The following APP variants were observed in gnomAD, a reference collection of about 807,000 sequenced individuals.
APP encodes amyloid beta precursor protein.
In APP, 31 loss-of-function variants were observed where a neutral mutation model predicts 101.4. The ratio of observed to expected loss-of-function variants is 0.31; its 90% confidence interval spans 0.23 to 0.41. APP has a LOEUF of 0.41. Among genes scored for constraint, APP ranks in the 10% least tolerant of loss-of-function variants. The pLI, the probability that APP is intolerant of heterozygous loss-of-function variation, is 1.00. For missense variants in APP, 839 were observed against 1,003.7 expected (o/e 0.84, Z 2.22); for synonymous variants, 366 against 364.4 (o/e 1.00, Z -0.05).
chr21:26,094,812 T>G (rs1177787794), intron 2 of APP, among the ~76,000 whole-genome samples: 5 of 151,644 alleles, frequency 3.3e-5, no homozygotes, highest in Non-Finnish European at 4.4e-5. Flanking sequence ...GAAAGCTCTA[T>G]AAATAAATGA....
At chr21:26,030,404 A>G (rs1427886182) in intron 5 of APP, among the ~76,000 whole-genome samples, 1 of 152,208 alleles carries the variant, frequency 6.6e-6, no homozygotes, top group Non-Finnish European at 1.5e-5. Context: ...AGATGGTATC[A>G]TCTGGACTCT....
chr21:26,049,093 A>T (rs2045728880), intron 5 of APP, among the ~76,000 whole-genome samples: 1 of 152,180 alleles, frequency 6.6e-6, no homozygotes, highest in Admixed American at 6.5e-5. Flanking sequence ...TTTCCTACCA[A>T]CTGTCAACAG....
At chr21:25,966,438 T>C (rs2041800172) in intron 11 of APP, among the ~76,000 whole-genome samples, 1 of 152,228 alleles carries the variant, frequency 6.6e-6, no homozygotes, top group Admixed American at 6.5e-5. Flanking sequence ...TTATTTACTT[T>C]TCTGAAAGAT....
intron 3 of APP, among the ~76,000 whole-genome samples, chr21:26,058,131 C>T (rs902744471): frequency 1.3e-5 from 2 of 152,290 alleles, no homozygotes; most frequent in Non-Finnish European, 1.5e-5. Flanking sequence ...ATCCTGAGCA[C>T]GTTGGTTTTA....
intron 17 of APP, among the ~76,000 whole-genome samples, chr21:25,882,356 G>T (rs892378504): frequency 6.7e-6 from 1 of 149,030 alleles, no homozygotes; most frequent in Non-Finnish European, 1.5e-5. Context: ...ACCAAAGGGG[G>T]CTATTATTTG....
At chr21:26,086,635 T>C (rs1005209511) in intron 3 of APP, among the ~76,000 whole-genome samples, 4 of 152,060 alleles carry the variant, frequency 2.6e-5, no homozygotes, top group African/African-American at 9.7e-5. Context: ...CTTATGTTAA[T>C]GCTGAACAGT....
chr21:26,064,125 C>T (rs1218738684), intron 3 of APP, among the ~76,000 whole-genome samples: 1 of 152,148 alleles, frequency 6.6e-6, no homozygotes, highest in Non-Finnish European at 1.5e-5. Flanking sequence ...AAGAAACTGT[C>T]ATAGCCAAGA....
chr21:25,990,696 C>A (rs998301657), intron 8 of APP, among the ~76,000 whole-genome samples: 1 of 151,868 alleles, frequency 6.6e-6, no homozygotes, highest in Non-Finnish European at 1.5e-5. Context: ...TTCATTTTAC[C>A]CCAGCCTTCC....
rs2063019515 is a variant in APP, at chr21:26,140,463, CTTGGGT to C, written c.58-28323_58-28318del. On this transcript the variant is annotated intron_variant, in intron 1 of 17. Transcript: ENST00000346798. The stretch of plus-strand genomic sequence containing the variant: ...ACAACCAAAGCCTCCGGAACTCTGT[CTTGGGT>C]AGAGTAAATCAATTTCCTTTTGTAG... 10 of 927,392 alleles carry C rather than the reference CTTGGGT, an allele frequency of 1.1e-5. 1 individual carries two copies. The South Asian group carries it at 2.2e-4, about 20-fold the overall frequency. 57.4% of individuals were successfully genotyped at this position (927,392 alleles called of 1,614,324 possible). A position where few individuals can be genotyped will look rare whatever the true frequency, so the allele number is the denominator to read the frequency against.
chr21:26,123,345 T>C (rs1053087289), intron 1 of APP, among the ~76,000 whole-genome samples: 2 of 152,230 alleles, frequency 1.3e-5, no homozygotes, highest in Non-Finnish European at 2.9e-5. Flanking sequence ...AATATTAACT[T>C]GACATAAAAA....
chr21:26,072,286 A>T (rs1484635605), intron 3 of APP, among the ~76,000 whole-genome samples: 1 of 152,148 alleles, frequency 6.6e-6, no homozygotes, highest in African/African-American at 2.4e-5. Flanking sequence ...TTTTACACTC[A>T]TTTTTAGTAG....
At chr21:25,905,164 A>C in intron 14 of APP, 87 bp from the exon 15 acceptor site, 1 of 1,117,938 alleles carries the variant, frequency 8.9e-7, no homozygotes, top group Admixed American at 1.9e-5. Context: ...CGAGCAGGGA[A>C]AAAAGCATAT....
rs10482970 is a variant in APP, at chr21:25,888,441, G to T, written c.2211+3281C>A. Among the ~76,000 whole-genome samples, 2,386 of 152,212 alleles carry T rather than the reference G, an allele frequency of 0.016. 106 individuals carry two copies. The East Asian group carries it at 0.16, about 10-fold the overall frequency. ...TTTTGAGGACAGAAAAGCGGAATGTGGTCTATTTCAACATTGCTGTACAGA... is the reference window on the plus strand; with the variant it reads ...TTTTGAGGACAGAAAAGCGGAATGTTGTCTATTTCAACATTGCTGTACAGA... On this transcript the variant is annotated intron_variant, in intron 17 of 17. Coordinates refer to ENST00000346798, the MANE Select transcript of APP (RefSeq NM_000484.4).
At chr21:25,891,281 A>G (rs2070653) in intron 17 of APP, among the ~76,000 whole-genome samples, 31,922 of 152,112 alleles carry the variant, frequency 0.21, 3,873 homozygotes, top group South Asian at 0.37. Context: ...ACCTGGTTGT[A>G]TTGAGAGGCC....
intron 3 of APP, among the ~76,000 whole-genome samples, chr21:26,078,455 A>C (rs762485384): frequency 2.1e-4 from 32 of 152,188 alleles, no homozygotes; most frequent in Non-Finnish European, 4.0e-4. Context: ...AATGTAGTTC[A>C]TTATTTAAAA....
intron 1 of APP, among the ~76,000 whole-genome samples, chr21:26,145,931 C>T (rs1274122737): frequency 1.3e-5 from 2 of 152,060 alleles, no homozygotes; most frequent in East Asian, 1.9e-4. Flanking sequence ...TAAAGGCTTG[C>T]TTAGTTGATA....
chr21:25,935,948 G>GC (rs1175005967), intron 13 of APP, among the ~76,000 whole-genome samples: 1 of 151,726 alleles, frequency 6.6e-6, no homozygotes, highest in Non-Finnish European at 1.5e-5. Context: ...AGTTTAGGCT[G>GC]CCAGACCACA....
At chr21:26,134,597 T>C (rs1477361699) in intron 1 of APP, among the ~76,000 whole-genome samples, 1 of 152,202 alleles carries the variant, frequency 6.6e-6, no homozygotes, top group Non-Finnish European at 1.5e-5. Context: ...GGAACCTCCA[T>C]GTGTTCAGCT....
At chr21:26,050,780 T>C (rs1048613296) in intron 5 of APP, among the ~76,000 whole-genome samples, 7 of 152,214 alleles carry the variant, frequency 4.6e-5, no homozygotes, top group Admixed American at 1.3e-4. Context: ...CCAAGTTTAA[T>C]ATTAAATAGT....
Sources: allele counts gnomAD v4.1 joint callset (sites outside exome capture counted in the v4.1 genomes callset), GRCh38; gene constraint gnomAD v4.1.1; transcripts MANE v1.5; gene names NCBI Gene and HGNC (gene_info 2026-07-23, HGNC 2026-07-21).